CNOT6L: variants seen among roughly 807,000 people sequenced by gnomAD.
CNOT6L encodes the protein CCR4-NOT transcription complex subunit 6-like.
In CNOT6L, 7 loss-of-function variants were observed where a neutral mutation model predicts 64.0. The observed-to-expected ratio is 0.11, with a 90% CI of 0.06 to 0.21. The LOEUF (loss-of-function observed/expected upper bound fraction) is 0.21, where lower values mean the gene tolerates loss of function less well. CNOT6L is among the 10% of genes least tolerant of loss of function. The pLI, the probability that CNOT6L is intolerant of heterozygous loss-of-function variation, is 1.00. For missense variants in CNOT6L, 245 were observed against 669.0 expected (o/e 0.37, Z 6.99); for synonymous variants, 193 against 243.4 (o/e 0.79, Z 1.93).
intron 1 of CNOT6L, among the ~76,000 whole-genome samples, chr4:77,791,036 G>A (rs979887627): frequency 3.9e-5 from 6 of 151,984 alleles, no homozygotes; most frequent in African/African-American, 7.3e-5. Flanking sequence ...CCAGCACTTC[G>A]GGAGGCTGAG....
intron 1 of CNOT6L, among the ~76,000 whole-genome samples, chr4:77,787,220 A>C (rs1729558774): frequency 6.6e-6 from 1 of 151,838 alleles, no homozygotes. Flanking sequence ...GAGCCAAGAA[A>C]GTGCCACTGC....
At chr4:77,803,631 C>T (rs745655095) in intron 1 of CNOT6L, among the ~76,000 whole-genome samples, 1 of 152,116 alleles carries the variant, frequency 6.6e-6, no homozygotes, top group Admixed American at 6.5e-5. Context: ...AGGGCAGGTG[C>T]GGTTGCTCAT....
rs901605525 is a variant in CNOT6L at position 77,731,531 on chromosome 4, A to G, written c.880T>C (p.Leu294=). Reference sequence around the variant, plus strand: ...AATTCCACTGTATGCTTCTGCACCAATGTAAATCTAAAAGGTACATTATTA... The same window carrying G: ...AATTCCACTGTATGCTTCTGCACCAGTGTAAATCTAAAAGGTACATTATTA... ...AIFFKTEKFT[L]VQKHTVEFNQ... is the part of the protein sequence containing the mutation. Residue 294 remains leucine, a synonymous_variant, in exon 9 of 12, where the codon TTG becomes CTG. Coordinates refer to ENST00000504123, the MANE Select transcript of CNOT6L (RefSeq NM_144571.3). The G allele has an allele frequency of 4.5e-6, 7 of 1,565,072 alleles. No individual in the cohort carries two copies. Among genetic ancestry groups the G allele is most frequent in the Middle Eastern group, 1.7e-4 (1 of 5,792 alleles).
At chr4:77,807,276 C>CAGAA (rs1732344114) in intron 1 of CNOT6L, among the ~76,000 whole-genome samples, 1 of 108,226 alleles carries the variant, frequency 9.2e-6, no homozygotes. Flanking sequence ...GACTCCATCT[C>CAGAA]AAAAAAAAAA....
Position 77,744,981 on chromosome 4 carries a change from A to C in CNOT6L, c.560-106T>G, listed in dbSNP as rs988579224. The C allele has an allele frequency of 3.9e-6, 3 of 762,014 alleles. No individual in the cohort carries two copies. The African/African-American group carries it at 5.3e-5, about 13-fold the overall frequency. The allele number at this position is 762,014 out of a possible 1,614,324, so 47.2% of individuals were successfully genotyped here. On this transcript the variant is annotated intron_variant, in intron 6 of 11. Coordinates refer to ENST00000504123, the MANE Select transcript of CNOT6L (RefSeq NM_144571.3). ...GCACAAGCACACACACATACGCCAC[A>C]TATCATCATTGTAAAATGCCTAGGC...
chr4:77,728,364 C>A (rs1402608412), intron 10 of CNOT6L, among the ~76,000 whole-genome samples: 2 of 152,212 alleles, frequency 1.3e-5, no homozygotes, highest in African/African-American at 4.8e-5. Context: ...TCCCTCCCCG[C>A]TCTAGCTTTT....
intron 1 of CNOT6L, among the ~76,000 whole-genome samples, chr4:77,805,396 C>T (rs1732100146): frequency 6.6e-6 from 1 of 151,962 alleles, no homozygotes; most frequent in Admixed American, 6.6e-5. Flanking sequence ...ACCTAGGTTC[C>T]ATAAATCTCA....
chr4:77,811,861 G>A (rs10050214), intron 1 of CNOT6L, among the ~76,000 whole-genome samples: 4 of 128,482 alleles, frequency 3.1e-5, no homozygotes, highest in Admixed American at 8.6e-5. Flanking sequence ...GCCTTTCTCC[G>A]CAAGGAGCAG....
At chr4:77,742,039 T>C (rs1212185062) in intron 8 of CNOT6L, 102 bp downstream of exon 8, 3 of 1,067,420 alleles carry the variant, frequency 2.8e-6, no homozygotes, top group Non-Finnish European at 4.0e-6. Context: ...ACTTGTTTTC[T>C]AGCTTTCTGT....
intron 4 of CNOT6L, among the ~76,000 whole-genome samples, chr4:77,768,473 AAATATATAT>A (rs1727123174): frequency 2.4e-4 from 1 of 4,210 alleles, no homozygotes; most frequent in African/African-American, 4.4e-4. Flanking sequence ...TAAAATAAAT[AAATATATAT>A]ATATATATAT....
At chr4:77,792,655 G>A (rs1401631818) in intron 1 of CNOT6L, among the ~76,000 whole-genome samples, 1 of 151,374 alleles carries the variant, frequency 6.6e-6, no homozygotes, top group East Asian at 1.9e-4. Context: ...GAACCCAGGA[G>A]GCAGAGGTTG....
intron 1 of CNOT6L, among the ~76,000 whole-genome samples, chr4:77,804,443 A>AAAAG (rs755668039): frequency 6.6e-6 from 1 of 151,870 alleles, no homozygotes. Context: ...AAAAAAAAAA[A>AAAAG]GGAATGAAAT....
chr4:77,818,746 G>C (rs1381902226), intron 1 of CNOT6L, among the ~76,000 whole-genome samples: 1 of 151,984 alleles, frequency 6.6e-6, no homozygotes, highest in African/African-American at 2.4e-5. Context: ...CCGAGGCAGC[G>C]CCGTGGGCTC....
intron 11 of CNOT6L, among the ~76,000 whole-genome samples, chr4:77,721,490 A>C (rs947539292): frequency 1.3e-5 from 2 of 152,180 alleles, no homozygotes; most frequent in Non-Finnish European, 2.9e-5. Context: ...ACCTGTAAAA[A>C]CCTATTTACA....
At chr4:77,774,055 C>A (rs1727896940) in intron 3 of CNOT6L, among the ~76,000 whole-genome samples, 1 of 152,074 alleles carries the variant, frequency 6.6e-6, no homozygotes, top group Non-Finnish European at 1.5e-5. Flanking sequence ...AAGATTCCTG[C>A]AAAATTTTTT....
chr4:77,750,879 C>A (rs1724778686), intron 5 of CNOT6L, among the ~76,000 whole-genome samples: 1 of 152,174 alleles, frequency 6.6e-6, no homozygotes, highest in East Asian at 1.9e-4. Flanking sequence ...GTCAGCTGAA[C>A]CTGAAGAGAC....
Position 77,774,591 on chromosome 4 carries a change from C to T in CNOT6L, c.253G>A (p.Asp85Asn). The change falls in exon 3 of 12, where the codon GAT (aspartate) becomes AAT (asparagine). Residue 85 changes from aspartate (D) to asparagine (N), a missense_variant. Transcript: ENST00000504123. Reference protein sequence around the residue: ...IAKLHNLVYLDLSSNKLRSLP... With the variant: ...IAKLHNLVYLNLSSNKLRSLP... ...CTTCTGAGTTTATTGGATGACAGAT[C>T]CAGGTAAACCAGATTATGAAGCTTG... 6.2e-7 allele frequency: 1 copy of T among 1,613,432 alleles called. No individual in the cohort carries two copies. Among genetic ancestry groups the T allele is most frequent in the Non-Finnish European group, 8.5e-7 (1 of 1,179,624 alleles).
chr4:77,782,522 G>T (rs199897280), intron 1 of CNOT6L, among the ~76,000 whole-genome samples: 1 of 139,122 alleles, frequency 7.2e-6, no homozygotes, highest in Non-Finnish European at 1.6e-5. Context: ...TTTTTTTTTA[G>T]TAGAGACAAG....
chr4:77,750,901 A>G (rs1488716763), intron 5 of CNOT6L, among the ~76,000 whole-genome samples: 1 of 152,212 alleles, frequency 6.6e-6, no homozygotes. Context: ...AACCAAATCT[A>G]CATGCTAAAC....
Sources: allele counts gnomAD v4.1 joint callset (sites outside exome capture counted in the v4.1 genomes callset), GRCh38; gene constraint gnomAD v4.1.1; transcripts MANE v1.5; gene names NCBI Gene and HGNC (gene_info 2026-07-23, HGNC 2026-07-21).